Variants in FAM240C observed in about 807,000 individuals in gnomAD.
The protein encoded by FAM240C is protein FAM240C.
A neutral mutation model predicts 10.0 loss-of-function variants in FAM240C; 14 were observed. The ratio of observed to expected loss-of-function variants is 1.40; its 90% CI spans 0.92 to 2.19. FAM240C has a LOEUF of 2.19. Ranked by LOEUF, FAM240C falls within the 30% of genes most tolerant of loss-of-function variation. FAM240C has a pLI of 0.00. For synonymous variants in FAM240C, 49 were observed against 44.3 expected (o/e 1.11, Z -0.42); for missense variants, 154 against 122.3 (o/e 1.26, Z -1.22).
rs1701952631 is a variant in FAM240C at position 241,900,291 on chromosome 2, G to C, written c.12+67C>G. On this transcript the variant is annotated intron_variant, in intron 1 of 2. Coordinates refer to ENST00000404031, the MANE Select transcript of FAM240C (RefSeq NM_001382368.1). This position sits in a 1 kb window ranked among gnomAD's most constrained non-coding sequence, Gnocchi z 4.5. ...TGTCACATACTCTGTTCACCTTTTG[G>C]GGGCCCCCAAATGCAGCGCCAATCT... The C allele has an allele frequency of 5.6e-6, 4 of 714,506 alleles. No individual in the cohort carries two copies. In the Admixed American group the frequency reaches 6.0e-5, roughly 11 times the overall value. 44.3% of individuals were successfully genotyped at this position (714,506 alleles called of 1,614,324 possible). A position where few individuals can be genotyped will look rare whatever the true frequency, so the allele number is the denominator to read the frequency against.
Position 241,899,221 on chromosome 2 carries a change from G to GGCTTCCAGCA in FAM240C, c.12+1136_12+1137insTGCTGGAAGC, listed in dbSNP as rs1193580234. 36 of 1,303,664 alleles carry GGCTTCCAGCA rather than the reference G, an allele frequency of 2.8e-5. No individual in the cohort carries two copies. The South Asian group carries it at 3.6e-4, about 13-fold the overall frequency. The allele number at this position is 1,303,664 out of a possible 1,614,324, so 80.8% of individuals were successfully genotyped here. A position where few individuals can be genotyped will look rare whatever the true frequency, so the allele number is the denominator to read the frequency against. On this transcript the variant is annotated intron_variant, in intron 1 of 2. Coordinates refer to ENST00000404031, the MANE Select transcript of FAM240C (RefSeq NM_001382368.1). The stretch of plus-strand genomic sequence containing the variant: ...GAGCTTGATGTGACCCCTGGCTGGG[G>GGCTTCCAGCA]GCTTCCAGCTGCAGAGGCGCGGGCG...
At position 241,894,147 on chromosome 2, in the gene FAM240C, C is replaced by T; in HGVS notation, c.*66G>A. The T allele has an allele frequency of 6.7e-7, 1 of 1,503,270 alleles. No homozygotes were observed. Among genetic ancestry groups the T allele is most frequent in the Non-Finnish European group, 9.0e-7 (1 of 1,114,742 alleles). 93.1% of individuals were successfully genotyped at this position (1,503,270 alleles called of 1,614,324 possible). On this transcript the variant is annotated 3_prime_UTR_variant, in exon 3 of 3. Coordinates refer to ENST00000404031, the MANE Select transcript of FAM240C (RefSeq NM_001382368.1). ...GAACTCTGGCGTGGATGCTTGGACC[C>T]CACGCGTGGTGTTCCTTCTCCATGA... is the stretch of plus-strand genomic sequence containing the variant.
At chr2:241,898,477 G>A (rs753248442) in intron 1 of FAM240C, among the ~76,000 whole-genome samples, 8 of 152,182 alleles carry the variant, frequency 5.3e-5, no homozygotes, top group East Asian at 1.9e-4. Context: ...GCTTGAACCC[G>A]GGAGGTGGAG....
rs751468689 is a variant in FAM240C, at chr2:241,894,159, T to G, written c.*54A>C. On this transcript the variant is annotated 3_prime_UTR_variant, in exon 3 of 3. Coordinates refer to ENST00000404031, the MANE Select transcript of FAM240C (RefSeq NM_001382368.1). ...GGATGCTTGGACCCCACGCGTGGTG[T>G]TCCTTCTCCATGACCCTCCGGAAGC... The G allele has an allele frequency of 1.3e-5, 20 of 1,520,172 alleles. No homozygotes were observed. Among genetic ancestry groups the G allele is most frequent in the Non-Finnish European group, 1.5e-5 (17 of 1,124,830 alleles). 94.2% of individuals were successfully genotyped at this position (1,520,172 alleles called of 1,614,324 possible). A position where few individuals can be genotyped will look rare whatever the true frequency, so the allele number is the denominator to read the frequency against.
At chr2:241,897,109 C>T (rs1701863909) in intron 2 of FAM240C, 77 bp downstream of exon 2, 1 of 1,480,862 alleles carries the variant, frequency 6.8e-7, no homozygotes, top group Non-Finnish European at 9.1e-7. Context: ...GGGCACACTG[C>T]TGGCGGGGCT....
At chr2:241,895,866 C>T (rs144846182) in intron 2 of FAM240C, among the ~76,000 whole-genome samples, 81 of 151,984 alleles carry the variant, frequency 5.3e-4, no homozygotes, top group Non-Finnish European at 9.1e-4. Context: ...TGCAGGCACA[C>T]GCAGAGGCAC....
At position 241,894,198 on chromosome 2, in the gene FAM240C, G is replaced by T; in HGVS notation, c.*15C>A. On this transcript the variant is annotated 3_prime_UTR_variant, in exon 3 of 3. Transcript: ENST00000404031. The stretch of plus-strand genomic sequence containing the variant: ...CCCTCCGGAAGCTCATGCAGAGTCT[G>T]GAGCTCGTGGGCCCTCAGGCCGCCT... 6.5e-7 allele frequency: 1 copy of T among 1,547,870 alleles called. No individual in the cohort carries two copies. The highest frequency in any genetic ancestry group is 1.2e-5 in the South Asian group (1 of 83,982).
At chr2:241,902,408 C>T (rs1702006994), upstream of FAM240C, 1 of 147,158 alleles carries the variant, frequency 6.8e-6, no homozygotes, top group Admixed American at 6.8e-5. The surrounding 1 kb of genome is among the most constrained non-coding windows in gnomAD (Gnocchi z 7.1). Context: ...CCGCCGCCGC[C>T]TCCCCTCCGC....
At chr2:241,900,604 G>A (rs1309695616), upstream of FAM240C, among the ~76,000 whole-genome samples, 1 of 152,190 alleles carries the variant, frequency 6.6e-6, no homozygotes, top group Non-Finnish European at 1.5e-5. This position sits in a 1 kb window ranked among gnomAD's most constrained non-coding sequence, Gnocchi z 4.5. Context: ...AGGACGGCCA[G>A]CTGGGCCTCC....
intron 1 of FAM240C, among the ~76,000 whole-genome samples, chr2:241,898,543 CTCAA>C (rs1701905658): frequency 7.1e-6 from 1 of 141,806 alleles, no homozygotes; most frequent in Non-Finnish European, 1.5e-5. Flanking sequence ...CAGACTCCGT[CTCAA>C]ACAAACAAAC....
chr2:241,897,424 T>C (rs954682305), intron 1 of FAM240C, 90 bp from the exon 2 acceptor site: 3 of 1,435,686 alleles, frequency 2.1e-6, no homozygotes, highest in Non-Finnish European at 2.8e-6. Flanking sequence ...GCAGAGGAGC[T>C]GGCTCAGCCT....
chr2:241,900,539 G>T, upstream of FAM240C: 1 of 614,026 alleles, frequency 1.6e-6, no homozygotes, highest in Non-Finnish European at 3.0e-6. The surrounding 1 kb of genome is among the most constrained non-coding windows in gnomAD (Gnocchi z 4.5). Context: ...TCTGGGCACC[G>T]TCCCTGGCAG....
upstream of FAM240C, among the ~76,000 whole-genome samples, chr2:241,901,084 T>A (rs1171242087): frequency 6.6e-6 from 1 of 152,146 alleles, no homozygotes; most frequent in Admixed American, 6.5e-5. This position sits in a 1 kb window ranked among gnomAD's most constrained non-coding sequence, Gnocchi z 4.9. Flanking sequence ...GAGCGATTCC[T>A]CCTTCCTCCA....
chr2:241,896,890 A>G (rs1016495086), intron 2 of FAM240C, among the ~76,000 whole-genome samples: 39 of 144,744 alleles, frequency 2.7e-4, no homozygotes, highest in Non-Finnish European at 4.6e-4. Flanking sequence ...GTCCGTGGGC[A>G]TTGGGGTGTG....
upstream of FAM240C, chr2:241,902,563 C>T (rs1432547212): frequency 6.5e-6 from 1 of 152,972 alleles, no homozygotes; most frequent in African/African-American, 2.4e-5. This position sits in a 1 kb window ranked among gnomAD's most constrained non-coding sequence, Gnocchi z 7.1. Flanking sequence ...GAGCCTTCCC[C>T]GTGTGCGGCA....
At chr2:241,899,235 G>A in intron 1 of FAM240C, 2 of 1,303,196 alleles carry the variant, frequency 1.5e-6, no homozygotes, top group Non-Finnish European at 2.0e-6. Context: ...TCCAGCTGCA[G>A]AGGCGCGGGC....
chr2:241,896,568 G>T (rs910819504), intron 2 of FAM240C, among the ~76,000 whole-genome samples: 85 of 133,888 alleles, frequency 6.3e-4, no homozygotes, highest in East Asian at 1.0e-3. Flanking sequence ...TTGGGGTGTG[G>T]GTGTGGGGGT....
At chr2:241,898,742 C>T (rs779714086) in intron 1 of FAM240C, among the ~76,000 whole-genome samples, 44 of 152,276 alleles carry the variant, frequency 2.9e-4, no homozygotes, top group Non-Finnish European at 5.7e-4. Flanking sequence ...TCCAGGTCTC[C>T]GTAGATGGCC....
Position 241,900,431 on chromosome 2 carries a change from G to T in FAM240C, c.-62C>A. 1 of 715,066 alleles carries T rather than the reference G, an allele frequency of 1.4e-6. No individual in the cohort carries two copies. The highest frequency in any genetic ancestry group is 2.6e-6 in the Non-Finnish European group (1 of 383,930). 44.3% of individuals were successfully genotyped at this position (715,066 alleles called of 1,614,324 possible). A position where few individuals can be genotyped will look rare whatever the true frequency, so the allele number is the denominator to read the frequency against. The stretch of plus-strand genomic sequence containing the variant: ...GGGTCCTCAGCCTGTCCTCTCCGGG[G>T]TGCACGCCTGTATCTCGCCTGCCGC... On this transcript the variant is annotated 5_prime_UTR_variant, in exon 1 of 3. Coordinates refer to ENST00000404031, the MANE Select transcript of FAM240C (RefSeq NM_001382368.1). The surrounding 1 kb of genome is among the most constrained non-coding windows in gnomAD (Gnocchi z 4.5).
Sources: gnomAD v4.1 joint callset for allele counts (sites outside exome capture counted in the v4.1 genomes callset) on GRCh38, gnomAD v4.1.1 for gene constraint, Gnocchi (gnomAD v3.1) non-coding constraint, MANE v1.5 for transcripts, NCBI Gene and HGNC (gene_info 2026-07-23, HGNC 2026-07-21) for gene names.